SGCZ: variants seen among roughly 807,000 people sequenced by gnomAD.
SGCZ encodes the protein zeta-sarcoglycan.
A neutral mutation model predicts 41.3 loss-of-function variants in SGCZ; 40 were observed. The observed-to-expected ratio is 0.97, with a 90% confidence interval of 0.75 to 1.26. The LOEUF (loss-of-function observed/expected upper bound fraction) is 1.26. SGCZ is among the 50% of genes most tolerant of loss of function. The pLI, the probability that SGCZ is intolerant of heterozygous loss-of-function variation, is 0.00. For missense variants in SGCZ, 552 were observed against 369.8 expected, an observed-to-expected ratio of 1.49 and a Z score of -4.04; for synonymous variants, 206 against 137.5, an observed-to-expected ratio of 1.50 and a Z score of -3.49.
chr8:15,214,945 T>C (rs1241807172), intron 1 of SGCZ, among the ~76,000 whole-genome samples: 2 of 152,160 alleles, frequency 1.3e-5, no homozygotes, highest in African/African-American at 2.4e-5. Context: ...TGAAAACTAG[T>C]GGAGGATACT....
chr8:15,097,864 GTGTATA>G (rs1806428924), intron 1 of SGCZ, among the ~76,000 whole-genome samples: 8 of 36,646 alleles, frequency 2.2e-4, no homozygotes, highest in Non-Finnish European at 4.2e-4. Flanking sequence ...ATACGTGTGT[GTGTATA>G]TATATATATA....
At chr8:14,864,470 T>C (rs1195557139) in intron 1 of SGCZ, among the ~76,000 whole-genome samples, 2 of 152,164 alleles carry the variant, frequency 1.3e-5, no homozygotes, top group South Asian at 2.1e-4. Context: ...GCATATAACA[T>C]ACAATCTTCC....
intron 2 of SGCZ, among the ~76,000 whole-genome samples, chr8:14,458,897 G>C (rs1278150518): frequency 6.6e-6 from 1 of 152,092 alleles, no homozygotes; most frequent in East Asian, 1.9e-4. Flanking sequence ...GTTGCTGATC[G>C]AGACCTAGGG....
chr8:14,500,331 T>G (rs1472389015), intron 2 of SGCZ, among the ~76,000 whole-genome samples: 1 of 152,066 alleles, frequency 6.6e-6, no homozygotes, highest in East Asian at 1.9e-4. Context: ...AGAAAAGCAT[T>G]GCTTTTGAGA....
chr8:14,253,243 G>GGT (rs10681510), intron 3 of SGCZ, among the ~76,000 whole-genome samples: 44,263 of 148,778 alleles, frequency 0.3, 6,572 homozygotes, highest in African/African-American at 0.36. Flanking sequence ...TTGTGTGTAG[G>GGT]GTGTGTGTGT....
chr8:14,248,807 A>C (rs991868270), intron 3 of SGCZ, among the ~76,000 whole-genome samples: 1 of 152,020 alleles, frequency 6.6e-6, no homozygotes, highest in Non-Finnish European at 1.5e-5. Context: ...AAATATCTGG[A>C]AACATTAGGG....
rs150351177 is a variant in SGCZ at position 14,510,394 on chromosome 8, G to A, written c.234+44338C>T. The stretch of plus-strand genomic sequence containing the variant: ...AGTTATTGTTTTGTAATGTATAAAG[G>A]TTTTCCAATTTCAAAATCTATTACT... On this transcript the variant is annotated intron_variant, in intron 2 of 7. Transcript: ENST00000382080. 5.2e-4 allele frequency among the ~76,000 whole-genome samples: 79 copies of A among 151,656 alleles called. No homozygotes were observed. In the East Asian group the frequency reaches 0.013, roughly 26 times the overall value.
chr8:14,625,504 G>A (rs17251320), intron 1 of SGCZ, among the ~76,000 whole-genome samples: 1 of 152,082 alleles, frequency 6.6e-6, no homozygotes, highest in Non-Finnish European at 1.5e-5. Context: ...CTATATGGAA[G>A]GGAAAATACA....
intron 1 of SGCZ, among the ~76,000 whole-genome samples, chr8:14,911,280 A>G (rs960568028): frequency 6.6e-6 from 1 of 152,028 alleles, no homozygotes; most frequent in Non-Finnish European, 1.5e-5. Context: ...CCTCCTGTCT[A>G]CTAAATCCCA....
At chr8:14,186,811 A>T (rs1378359707) in intron 4 of SGCZ, among the ~76,000 whole-genome samples, 2 of 152,228 alleles carry the variant, frequency 1.3e-5, no homozygotes, top group Non-Finnish European at 2.9e-5. Context: ...CCAAAACTTC[A>T]TCGGAGACAT....
At chr8:14,851,636 T>G (rs908305853) in intron 1 of SGCZ, among the ~76,000 whole-genome samples, 6 of 152,138 alleles carry the variant, frequency 3.9e-5, no homozygotes, top group African/African-American at 1.4e-4. Flanking sequence ...TAGATGGGCA[T>G]TGTATTTCAC....
At chr8:14,819,941 A>G (rs1802023244) in intron 1 of SGCZ, among the ~76,000 whole-genome samples, 1 of 152,140 alleles carries the variant, frequency 6.6e-6, no homozygotes. Context: ...ACAGCCACAG[A>G]GTAAGAAAGG....
At chr8:14,276,615 G>C (rs1004432856) in intron 3 of SGCZ, among the ~76,000 whole-genome samples, 6 of 151,956 alleles carry the variant, frequency 3.9e-5, no homozygotes, top group Non-Finnish European at 8.8e-5. Flanking sequence ...TTCTCACTTG[G>C]ACTGTTCTAA....
chr8:14,324,881 T>C (rs991000152), intron 2 of SGCZ, among the ~76,000 whole-genome samples: 5 of 152,166 alleles, frequency 3.3e-5, no homozygotes, highest in Non-Finnish European at 7.4e-5. Flanking sequence ...TTGACTACGA[T>C]AAAGTTGTTA....
chr8:15,226,694 C>T (rs1801785784), intron 1 of SGCZ, among the ~76,000 whole-genome samples: 1 of 152,136 alleles, frequency 6.6e-6, no homozygotes, highest in Non-Finnish European at 1.5e-5. Context: ...ATTCCAAACC[C>T]ACCCTGAACA....
At chr8:14,471,146 T>A (rs908635811) in intron 2 of SGCZ, among the ~76,000 whole-genome samples, 4 of 152,184 alleles carry the variant, frequency 2.6e-5, no homozygotes, top group Non-Finnish European at 4.4e-5. Flanking sequence ...AACTTGGGCT[T>A]TCTTCCTAAA....
intron 1 of SGCZ, among the ~76,000 whole-genome samples, chr8:14,618,003 T>C (rs955050957): frequency 3.3e-5 from 5 of 152,146 alleles, no homozygotes; most frequent in African/African-American, 9.6e-5. Flanking sequence ...AGAGACCTCT[T>C]TGAGTTTCCA....
intron 1 of SGCZ, among the ~76,000 whole-genome samples, chr8:14,651,598 C>A (rs980348731): frequency 6.6e-6 from 1 of 152,034 alleles, no homozygotes; most frequent in Non-Finnish European, 1.5e-5. Context: ...CAGAATCTAG[C>A]TCATTTTCAA....
intron 4 of SGCZ, among the ~76,000 whole-genome samples, chr8:14,177,435 G>A (rs546553466): frequency 3.3e-5 from 5 of 152,218 alleles, no homozygotes; most frequent in East Asian, 3.9e-4. Context: ...ACAAATCAGC[G>A]CTCAAACGGT....
Sources: gnomAD v4.1 joint callset for allele counts (sites outside exome capture counted in the v4.1 genomes callset) on GRCh38, gnomAD v4.1.1 for gene constraint, MANE v1.5 for transcripts, NCBI Gene and HGNC (gene_info 2026-07-23, HGNC 2026-07-21) for gene names.